The following GNAL variants were observed in gnomAD, a reference collection of about 807,000 sequenced individuals.
The protein encoded by GNAL is guanine nucleotide-binding protein G(olf) subunit alpha.
In GNAL, 18 loss-of-function variants were observed where a neutral mutation model predicts 55.1. The ratio of observed to expected loss-of-function variants is 0.33; its 90% CI spans 0.23 to 0.48. The LOEUF (loss-of-function observed/expected upper bound fraction) is 0.48. Among genes scored for constraint, GNAL ranks in the 20% least tolerant of loss-of-function variants. The pLI, the probability that GNAL is intolerant of heterozygous loss-of-function variation, is 0.99. For missense variants in GNAL, 412 were observed against 614.1 expected (o/e 0.67, Z 3.48); for synonymous variants, 253 against 237.0 (o/e 1.07, Z -0.62).
chr18:11,704,070 T>C (rs2031646834), intron 1 of GNAL, among the ~76,000 whole-genome samples: 1 of 152,176 alleles, frequency 6.6e-6, no homozygotes, highest in Non-Finnish European at 1.5e-5. Flanking sequence ...AGGATGGATT[T>C]CTAGAGTAAT....
intron 4 of GNAL, among the ~76,000 whole-genome samples, chr18:11,756,685 T>C (rs1428616548): frequency 2.0e-5 from 3 of 152,136 alleles, no homozygotes; most frequent in Non-Finnish European, 4.4e-5. Context: ...CTTGGAAATA[T>C]TTATATTACT....
At chr18:11,694,943 T>C (rs1018205455) in intron 1 of GNAL, among the ~76,000 whole-genome samples, 11 of 152,136 alleles carry the variant, frequency 7.2e-5, no homozygotes, top group Non-Finnish European at 1.5e-4. Context: ...AGATCTCCGG[T>C]GTCTCTTCCT....
chr18:11,750,672 A>G (rs1035961412), intron 1 of GNAL, among the ~76,000 whole-genome samples: 3 of 151,958 alleles, frequency 2.0e-5, no homozygotes, highest in African/African-American at 7.3e-5. Flanking sequence ...TATTTTCCCT[A>G]TGGGGTGAAT....
chr18:11,703,595 G>A (rs548393109), intron 1 of GNAL, among the ~76,000 whole-genome samples: 13 of 152,252 alleles, frequency 8.5e-5, no homozygotes, highest in Middle Eastern at 3.4e-3. Flanking sequence ...TTTGATAAGC[G>A]CTGCGTGGAA....
chr18:11,707,120 G>T (rs1029874369), intron 1 of GNAL, among the ~76,000 whole-genome samples: 1 of 152,158 alleles, frequency 6.6e-6, no homozygotes, highest in African/African-American at 2.4e-5. Context: ...TGATTATCCT[G>T]CCTCAGCCTC....
intron 4 of GNAL, among the ~76,000 whole-genome samples, chr18:11,778,417 A>C (rs1160781523): frequency 6.6e-6 from 1 of 152,188 alleles, no homozygotes; most frequent in African/African-American, 2.4e-5. Context: ...CTGAGCGAGC[A>C]TCCCCTAGGT....
intron 1 of GNAL, among the ~76,000 whole-genome samples, chr18:11,717,433 G>A (rs1321301723): frequency 1.3e-5 from 2 of 152,236 alleles, no homozygotes; most frequent in Non-Finnish European, 2.9e-5. Context: ...GAGCGAGTGA[G>A]GGCTGTGAGG....
intron 1 of GNAL, 74 bp downstream of exon 1, chr18:11,690,013 G>A: frequency 2.2e-6 from 2 of 922,190 alleles, no homozygotes; most frequent in Non-Finnish European, 2.8e-6. Context: ...CGGGCACCGG[G>A]GAGCGGTGGC....
chr18:11,690,026 G>A, intron 1 of GNAL, 87 bp downstream of exon 1: 1 of 752,150 alleles, frequency 1.3e-6, no homozygotes, highest in Non-Finnish European at 1.8e-6. Flanking sequence ...GCGGTGGCGG[G>A]CACCGGGGAG....
intron 1 of GNAL, among the ~76,000 whole-genome samples, chr18:11,727,076 G>C (rs914428871): frequency 6.6e-6 from 1 of 152,086 alleles, no homozygotes; most frequent in African/African-American, 2.4e-5. Context: ...AGTCCGCGCT[G>C]GGTGCCCCTC....
chr18:11,734,204 C>T (rs111893977), intron 1 of GNAL, among the ~76,000 whole-genome samples: 4,658 of 148,416 alleles, frequency 0.031, 85 homozygotes, highest in African/African-American at 0.049. Context: ...AGTGCAGTGG[C>T]GCGATCTCAG....
chr18:11,793,671 A>G (rs1188252057), intron 4 of GNAL, among the ~76,000 whole-genome samples: 1 of 150,226 alleles, frequency 6.7e-6, no homozygotes. Context: ...CACGCCTGTA[A>G]TCCCAACACT....
intron 1 of GNAL, among the ~76,000 whole-genome samples, chr18:11,737,801 AAAAC>A (rs1045915658): frequency 2.0e-5 from 3 of 152,254 alleles, no homozygotes; most frequent in African/African-American, 4.8e-5. Flanking sequence ...AATCTGGCAG[AAAAC>A]AAACAATCCC....
At chr18:11,815,864 A>G (rs1180212144) in intron 4 of GNAL, among the ~76,000 whole-genome samples, 1 of 152,196 alleles carries the variant, frequency 6.6e-6, no homozygotes, top group Non-Finnish European at 1.5e-5. Context: ...TTGAGCCAAC[A>G]GTTTCATAAA....
At chr18:11,861,831 A>G (rs763935668) in intron 5 of GNAL, among the ~76,000 whole-genome samples, 1 of 151,926 alleles carries the variant, frequency 6.6e-6, no homozygotes, top group Admixed American at 6.6e-5. Flanking sequence ...AAATATGCAC[A>G]CTCACGTTCT....
Position 11,868,404 on chromosome 18 carries a change from G to T in GNAL, c.911-139G>T. 1 of 677,008 alleles carries T rather than the reference G, an allele frequency of 1.5e-6. No individual in the cohort carries two copies. The highest frequency in any genetic ancestry group is 2.4e-6 in the Non-Finnish European group (1 of 410,006). 41.9% of individuals were successfully genotyped at this position (677,008 alleles called of 1,614,324 possible). A position where few individuals can be genotyped will look rare whatever the true frequency, so the allele number is the denominator to read the frequency against. Reference sequence around the variant, plus strand: ...GCAACCAGTGGTGCGCGGCGCACCTGCAGGCTGTTCTGTGACTGAATAGTC... The same window carrying T: ...GCAACCAGTGGTGCGCGGCGCACCTTCAGGCTGTTCTGTGACTGAATAGTC... On this transcript the variant is annotated intron_variant, in intron 8 of 11. Transcript: ENST00000334049. The surrounding 1 kb of genome is among the most constrained non-coding windows in gnomAD (Gnocchi z 4.0).
At chr18:11,708,827 G>C (rs2031772376) in intron 1 of GNAL, among the ~76,000 whole-genome samples, 1 of 152,082 alleles carries the variant, frequency 6.6e-6, no homozygotes, top group South Asian at 2.1e-4. Flanking sequence ...TGCCAATTTT[G>C]TCATTGTTGC....
intron 4 of GNAL, among the ~76,000 whole-genome samples, chr18:11,761,462 C>T (rs1000988711): frequency 2.6e-5 from 4 of 152,092 alleles, no homozygotes; most frequent in Admixed American, 6.5e-5. Context: ...CCCCAGAGCT[C>T]GGCTCTCCTT....
chr18:11,769,317 A>G (rs2033559662), intron 4 of GNAL, among the ~76,000 whole-genome samples: 2 of 151,556 alleles, frequency 1.3e-5, no homozygotes, highest in African/African-American at 4.9e-5. Context: ...ATTAATAAGG[A>G]CTATTGTGCT....
Sources: allele counts gnomAD v4.1 joint callset (sites outside exome capture counted in the v4.1 genomes callset), GRCh38; gene constraint gnomAD v4.1.1; non-coding constraint Gnocchi (gnomAD v3.1); transcripts MANE v1.5; gene names NCBI Gene and HGNC (gene_info 2026-07-23, HGNC 2026-07-21).